Variants in DCLK2 observed in about 807,000 individuals in gnomAD.
DCLK2 encodes the protein doublecortin like kinase 2, also known as serine/threonine-protein kinase DCLK2.
DCLK2 carries 31 observed loss-of-function variants against 78.4 expected under a neutral mutation model. That is an observed-to-expected ratio of 0.40 (90% CI 0.30 to 0.53). DCLK2 has a LOEUF of 0.53. Among genes scored for constraint, DCLK2 ranks in the 20% least tolerant of loss-of-function variants. The pLI, the probability that DCLK2 is intolerant of heterozygous loss-of-function variation, is 0.61. For missense variants in DCLK2, 872 were observed against 973.7 expected (o/e 0.90, Z 1.39); for synonymous variants, 407 against 374.9 (o/e 1.09, Z -0.99).
intron 2 of DCLK2, among the ~76,000 whole-genome samples, chr4:150,158,886 C>A (rs1189413739): frequency 6.6e-6 from 1 of 151,894 alleles, no homozygotes; most frequent in African/African-American, 2.4e-5. Flanking sequence ...GAAAGAAATG[C>A]AAGCAGAAAA....
At chr4:150,100,047 G>A (rs1314676031) in intron 1 of DCLK2, among the ~76,000 whole-genome samples, 1 of 152,008 alleles carries the variant, frequency 6.6e-6, no homozygotes, top group African/African-American at 2.4e-5. Flanking sequence ...TGAGAAGCTG[G>A]GACTACAGAT....
At chr4:150,098,598 G>A (rs893493441) in intron 1 of DCLK2, among the ~76,000 whole-genome samples, 41 of 152,088 alleles carry the variant, frequency 2.7e-4, no homozygotes, top group Admixed American at 3.3e-4. Context: ...TGAAGTCTGA[G>A]ATTTTAGTGC....
At chr4:150,237,453 G>A (rs912853160) in intron 10 of DCLK2, among the ~76,000 whole-genome samples, 1 of 152,156 alleles carries the variant, frequency 6.6e-6, no homozygotes, top group African/African-American at 2.4e-5. Context: ...GAACTTTAAA[G>A]TCATAAAGAT....
intron 1 of DCLK2, among the ~76,000 whole-genome samples, chr4:150,080,529 C>A (rs1173744481): frequency 3.9e-5 from 6 of 152,186 alleles, no homozygotes; most frequent in African/African-American, 1.4e-4. Context: ...TTTCTTAATG[C>A]AAATGGCACA....
chr4:150,249,209 C>G (rs948720335), intron 14 of DCLK2, among the ~76,000 whole-genome samples: 4 of 152,016 alleles, frequency 2.6e-5, no homozygotes, highest in African/African-American at 7.2e-5. Flanking sequence ...AAGTGAAAAA[C>G]AATGATCTTT....
intron 10 of DCLK2, among the ~76,000 whole-genome samples, chr4:150,233,544 G>T (rs1742240546): frequency 6.6e-6 from 1 of 152,182 alleles, no homozygotes; most frequent in Non-Finnish European, 1.5e-5. Flanking sequence ...GAATGTGGGG[G>T]TTCATTTATT....
chr4:150,169,857 CTAAGTTAGGCTTTCAGT>C (rs1736383460), intron 2 of DCLK2, among the ~76,000 whole-genome samples: 1 of 152,048 alleles, frequency 6.6e-6, no homozygotes, highest in Admixed American at 6.6e-5. Flanking sequence ...TACAGTACAC[CTAAGTTAGGCTTTCAGT>C]TAAGTTAGGT....
intron 10 of DCLK2, among the ~76,000 whole-genome samples, chr4:150,234,862 C>G (rs372910503): frequency 7.6e-4 from 115 of 152,244 alleles, no homozygotes; most frequent in African/African-American, 2.6e-3. Context: ...ATGGCGTTCT[C>G]TCCTCAAAAC....
intron 12 of DCLK2, among the ~76,000 whole-genome samples, chr4:150,245,266 T>C (rs1475831199): frequency 1.3e-5 from 2 of 152,128 alleles, no homozygotes; most frequent in African/African-American, 4.8e-5. Context: ...GGTAATCTCT[T>C]TCTCTTGCCT....
intron 15 of DCLK2, chr4:150,253,890 T>A: frequency 1.0e-6 from 1 of 985,412 alleles, no homozygotes; most frequent in Non-Finnish European, 1.2e-6. Flanking sequence ...TCGTGAAGGC[T>A]TTTGTTCTTT....
intron 2 of DCLK2, among the ~76,000 whole-genome samples, chr4:150,154,249 C>G (rs1735100082): frequency 6.6e-6 from 1 of 152,182 alleles, no homozygotes; most frequent in Non-Finnish European, 1.5e-5. Context: ...GAACATTGAC[C>G]AGAGTGTCCT....
At chr4:150,212,015 C>G (rs1299767745) in intron 5 of DCLK2, among the ~76,000 whole-genome samples, 1 of 152,164 alleles carries the variant, frequency 6.6e-6, no homozygotes, top group African/African-American at 2.4e-5. Context: ...CATTCATGTT[C>G]CAGTTTAAGA....
chr4:150,164,944 C>A (rs1735961897), intron 2 of DCLK2, among the ~76,000 whole-genome samples: 1 of 152,056 alleles, frequency 6.6e-6, no homozygotes, highest in African/African-American at 2.4e-5. Context: ...ACTGTAAGAC[C>A]CTTACTGTTC....
intron 15 of DCLK2, among the ~76,000 whole-genome samples, chr4:150,250,066 T>A (rs2126630914): frequency 6.6e-6 from 1 of 152,308 alleles, no homozygotes; most frequent in Non-Finnish European, 1.5e-5. Flanking sequence ...TTATTAGAGA[T>A]GTGAATTATT....
At chr4:150,243,978 A>G (rs1452236776) in intron 12 of DCLK2, among the ~76,000 whole-genome samples, 1 of 151,566 alleles carries the variant, frequency 6.6e-6, no homozygotes, top group Non-Finnish European at 1.5e-5. Flanking sequence ...TCTGTTGACC[A>G]GGCTGGAGTG....
chr4:150,154,034 T>C (rs762799408), intron 2 of DCLK2, among the ~76,000 whole-genome samples: 2 of 152,298 alleles, frequency 1.3e-5, no homozygotes, highest in Non-Finnish European at 2.9e-5. Flanking sequence ...AACTTGATGC[T>C]CTACTGGCAC....
intron 2 of DCLK2, among the ~76,000 whole-genome samples, chr4:150,187,286 C>T (rs1738027046): frequency 6.6e-6 from 1 of 152,122 alleles, no homozygotes. Context: ...CTGCCTTGGC[C>T]TCCCAAAGCA....
chr4:150,087,624 A>T (rs1417680470), intron 1 of DCLK2, among the ~76,000 whole-genome samples: 2 of 152,218 alleles, frequency 1.3e-5, no homozygotes, highest in African/African-American at 4.8e-5. Context: ...GCCCTGTAGA[A>T]ATATGATTGG....
At chr4:150,253,440 A>C in intron 15 of DCLK2, 1 of 1,289,588 alleles carries the variant, frequency 7.8e-7, no homozygotes, top group South Asian at 1.2e-5. Context: ...AAAAAAAGTA[A>C]AGTTGATGGT....
Sources: allele counts gnomAD v4.1 joint callset (sites outside exome capture counted in the v4.1 genomes callset), GRCh38; gene constraint gnomAD v4.1.1; transcripts MANE v1.5; gene names NCBI Gene and HGNC (gene_info 2026-07-23, HGNC 2026-07-21).